The following EPHA6 variants were observed in gnomAD, a reference collection of about 807,000 sequenced individuals.
EPHA6 encodes the protein ephrin type-A receptor 6.
EPHA6 carries 50 observed loss-of-function variants against 112.0 expected under a neutral mutation model. The ratio of observed to expected loss-of-function variants is 0.45; its 90% CI spans 0.36 to 0.56. The LOEUF (loss-of-function observed/expected upper bound fraction) is 0.56. EPHA6 is among the 20% of genes least tolerant of loss of function. EPHA6 has a pLI of 0.00. For missense variants in EPHA6, 1,280 were observed against 1,417.4 expected (o/e 0.90, Z 1.56); for synonymous variants, 529 against 490.7 (o/e 1.08, Z -1.03).
chr3:96,963,160 CAAAAAAAA>C (rs376176100), intron 2 of EPHA6, among the ~76,000 whole-genome samples: 4 of 85,686 alleles, frequency 4.7e-5, no homozygotes, highest in Non-Finnish European at 1.1e-4. Flanking sequence ...AAACTGCATC[CAAAAAAAA>C]AAAAAAAAAA....
At chr3:97,665,222 G>T (rs540586220) in intron 14 of EPHA6, among the ~76,000 whole-genome samples, 87 of 152,274 alleles carry the variant, frequency 5.7e-4, no homozygotes, top group African/African-American at 2.0e-3. Flanking sequence ...ATGGGGAAAG[G>T]ATTCCCTATT....
chr3:97,490,603 T>A (rs1454110435), intron 10 of EPHA6, among the ~76,000 whole-genome samples: 1 of 152,224 alleles, frequency 6.6e-6, no homozygotes, highest in African/African-American at 2.4e-5. Flanking sequence ...TTAGCAAGAC[T>A]GGGTACATCT....
At chr3:97,269,673 G>A (rs887934907) in intron 5 of EPHA6, among the ~76,000 whole-genome samples, 1 of 152,146 alleles carries the variant, frequency 6.6e-6, no homozygotes, top group Admixed American at 6.6e-5. Flanking sequence ...TATGTCCTGA[G>A]CATCAGAATT....
intron 11 of EPHA6, among the ~76,000 whole-genome samples, chr3:97,587,099 C>T (rs938352217): frequency 2.0e-4 from 31 of 152,122 alleles, no homozygotes; most frequent in African/African-American, 6.7e-4. Context: ...AAAAATTAGC[C>T]GGACATGGCG....
intron 2 of EPHA6, among the ~76,000 whole-genome samples, chr3:96,875,637 A>G (rs2036898298): frequency 1.3e-5 from 2 of 151,990 alleles, no homozygotes; most frequent in South Asian, 4.1e-4. Flanking sequence ...GCTGAAAAAT[A>G]AGTATGTATG....
In EPHA6 at chr3:97,754,607, T is replaced by C. The variant is rs1048438314; in HGVS notation, c.*5906T>C. Among the ~76,000 whole-genome samples, 9 of 152,262 alleles carry C rather than the reference T, an allele frequency of 5.9e-5. No homozygotes were observed. The South Asian group carries it at 6.2e-4, about 10-fold the overall frequency. ...TAGGAAATGAATAAACTTTACCTTT[T>C]AAAAAGGAATCTGTCAACTGCAAAG... On this transcript the variant is annotated 3_prime_UTR_variant, in exon 18 of 18. Coordinates refer to ENST00000389672, the MANE Select transcript of EPHA6 (RefSeq NM_001080448.3).
intron 3 of EPHA6, among the ~76,000 whole-genome samples, chr3:97,178,636 T>A (rs926221002): frequency 6.6e-6 from 1 of 152,116 alleles, no homozygotes; most frequent in South Asian, 2.1e-4. Context: ...ATGATTAAAG[T>A]TTTTTCCTTC....
intron 2 of EPHA6, among the ~76,000 whole-genome samples, chr3:96,910,607 A>G (rs947647411): frequency 6.6e-6 from 1 of 151,840 alleles, no homozygotes; most frequent in Non-Finnish European, 1.5e-5. Context: ...CTTTTTTCCT[A>G]TTCCTTGAAC....
chr3:97,159,494 T>TC, intron 3 of EPHA6, among the ~76,000 whole-genome samples: 1 of 152,156 alleles, frequency 6.6e-6, no homozygotes, highest in East Asian at 1.9e-4. Flanking sequence ...TGGTGCTACT[T>TC]CTATTTTCAT....
At chr3:97,549,311 T>C (rs567502537) in intron 11 of EPHA6, among the ~76,000 whole-genome samples, 1 of 152,270 alleles carries the variant, frequency 6.6e-6, no homozygotes, top group Middle Eastern at 3.4e-3. Flanking sequence ...CAAAATCCAC[T>C]GCTAATGTTG....
intron 11 of EPHA6, among the ~76,000 whole-genome samples, chr3:97,568,900 G>A (rs1312232538): frequency 6.6e-6 from 1 of 152,156 alleles, no homozygotes; most frequent in African/African-American, 2.4e-5. Flanking sequence ...TCATCGGATG[G>A]AAACTATTAA....
At chr3:97,504,344 C>T (rs1008504215) in intron 10 of EPHA6, among the ~76,000 whole-genome samples, 1 of 152,020 alleles carries the variant, frequency 6.6e-6, no homozygotes, top group African/African-American at 2.4e-5. Flanking sequence ...GTAGGGGGCC[C>T]GGAAGTGGAA....
At chr3:97,077,972 G>A (rs1159911479) in intron 3 of EPHA6, among the ~76,000 whole-genome samples, 2 of 152,114 alleles carry the variant, frequency 1.3e-5, no homozygotes, top group East Asian at 3.9e-4. Flanking sequence ...TCGCCACACT[G>A]TCTTCCACGA....
At chr3:97,687,779 G>A (rs561662312) in intron 14 of EPHA6, among the ~76,000 whole-genome samples, 133 of 152,354 alleles carry the variant, frequency 8.7e-4, no homozygotes, top group Non-Finnish European at 1.6e-3. Context: ...GTGTGAGTCT[G>A]CAGGTCCACT....
chr3:97,186,546 G>T (rs1322674601), intron 3 of EPHA6, among the ~76,000 whole-genome samples: 1 of 152,064 alleles, frequency 6.6e-6, no homozygotes, highest in East Asian at 1.9e-4. Context: ...TTTGTCCAAT[G>T]AAAAGGATTT....
intron 5 of EPHA6, among the ~76,000 whole-genome samples, chr3:97,359,862 C>T (rs1208749663): frequency 1.3e-5 from 2 of 152,048 alleles, no homozygotes; most frequent in Non-Finnish European, 2.9e-5. Flanking sequence ...AAGCTTGTGC[C>T]TTTCTCTAAG....
intron 16 of EPHA6, among the ~76,000 whole-genome samples, chr3:97,740,613 T>A (rs936613985): frequency 1.3e-5 from 2 of 152,148 alleles, no homozygotes; most frequent in African/African-American, 2.4e-5. Flanking sequence ...AATATGTGAA[T>A]CATGAAGGTA....
At chr3:97,553,804 C>A (rs1327650765) in intron 11 of EPHA6, among the ~76,000 whole-genome samples, 1 of 152,060 alleles carries the variant, frequency 6.6e-6, no homozygotes, top group Non-Finnish European at 1.5e-5. Flanking sequence ...GAGAGACTGA[C>A]AAGACTAGCT....
chr3:97,636,619 A>G (rs1392236422), intron 13 of EPHA6, among the ~76,000 whole-genome samples: 1 of 152,150 alleles, frequency 6.6e-6, no homozygotes, highest in African/African-American at 2.4e-5. Context: ...CATTTGTAGT[A>G]TAAGCTTATT....
Sources: allele counts gnomAD v4.1 joint callset (sites outside exome capture counted in the v4.1 genomes callset), GRCh38; gene constraint gnomAD v4.1.1; transcripts MANE v1.5; gene names NCBI Gene and HGNC (gene_info 2026-07-23, HGNC 2026-07-21).